BBS9: variants seen among roughly 807,000 people sequenced by gnomAD.
BBS9 encodes the protein protein PTHB1.
Under a neutral mutation model 117.7 loss-of-function variants are expected in BBS9, and 89 were observed. The ratio of observed to expected loss-of-function variants is 0.76; its 90% CI spans 0.64 to 0.90. The LOEUF (loss-of-function observed/expected upper bound fraction) is 0.90. Ranked by LOEUF, BBS9 falls within the 40% of genes least tolerant of loss-of-function variation. BBS9 has a pLI of 0.00. For missense variants in BBS9, 982 were observed against 1,042.2 expected, an observed-to-expected ratio of 0.94 and a Z score of 0.80; for synonymous variants, 379 against 370.9, an observed-to-expected ratio of 1.02 and a Z score of -0.25.
intron 16 of BBS9, among the ~76,000 whole-genome samples, chr7:33,366,084 G>A (rs1821658648): frequency 6.6e-6 from 1 of 152,140 alleles, no homozygotes; most frequent in African/African-American, 2.4e-5. Flanking sequence ...GTTTGGAGAG[G>A]TGGTGGTTTT....
chr7:33,506,048 G>A lies in BBS9; in HGVS notation c.2298+403G>A, dbSNP rs189340886. On this transcript the variant is annotated intron_variant, in intron 20 of 22. Transcript: ENST00000242067. ...AATTTAAGTGTCACTTCAAAGGTTA[G>A]AGAGAATGGAGATAGCCTTGCTATA... Among the ~76,000 whole-genome samples the A allele has an allele frequency of 2.1e-3, 313 of 152,304 alleles. 7 individuals are homozygous for A. In the South Asian group the frequency reaches 0.045, roughly 22 times the overall value.
chr7:33,264,384 T>C lies in BBS9; in HGVS notation c.702+10T>C. 4 of 1,523,274 alleles carry C rather than the reference T, an allele frequency of 2.6e-6. No individual in the cohort carries two copies. Among genetic ancestry groups the C allele is most frequent in the Middle Eastern group, 2.2e-4 (1 of 4,472 alleles). 94.4% of individuals were successfully genotyped at this position (1,523,274 alleles called of 1,614,324 possible). A position where few individuals can be genotyped will look rare whatever the true frequency, so the allele number is the denominator to read the frequency against. ...TGGAAAAAGACTAGTTGTAAGGCCTTTTTTTAATATATAAAAATTTCAATA... is the reference window on the plus strand; with the variant it reads ...TGGAAAAAGACTAGTTGTAAGGCCTCTTTTTAATATATAAAAATTTCAATA... On this transcript the variant is annotated intron_variant, in intron 7 of 22. Transcript: ENST00000242067.
intron 5 of BBS9, among the ~76,000 whole-genome samples, chr7:33,230,081 C>A (rs976202798): frequency 6.6e-6 from 1 of 152,058 alleles, no homozygotes; most frequent in East Asian, 1.9e-4. Flanking sequence ...CTATTTATGT[C>A]TTTTGCCCAT....
At chr7:33,175,450 A>G (rs1029981246) in intron 4 of BBS9, among the ~76,000 whole-genome samples, 2 of 152,092 alleles carry the variant, frequency 1.3e-5, no homozygotes, top group African/African-American at 4.8e-5. Context: ...ACTTAAGACA[A>G]TTTAAATTTA....
chr7:33,472,803 A>G (rs955054213), intron 19 of BBS9, among the ~76,000 whole-genome samples: 3 of 152,212 alleles, frequency 2.0e-5, no homozygotes, highest in African/African-American at 4.8e-5. Flanking sequence ...TTTTTCCTGT[A>G]GTGAACACGT....
At chr7:33,445,046 G>T (rs189431360) in intron 19 of BBS9, among the ~76,000 whole-genome samples, 1 of 152,248 alleles carries the variant, frequency 6.6e-6, no homozygotes, top group Non-Finnish European at 1.5e-5. Context: ...GTATGTTGAG[G>T]GGAAGTGAGT....
chr7:33,274,636 T>C (rs1392617514), intron 9 of BBS9, among the ~76,000 whole-genome samples: 1 of 152,180 alleles, frequency 6.6e-6, no homozygotes, highest in Non-Finnish European at 1.5e-5. Context: ...CAACTTTCCA[T>C]AAAGCTTCAT....
intron 5 of BBS9, among the ~76,000 whole-genome samples, chr7:33,230,371 T>C (rs1336394024): frequency 6.6e-6 from 1 of 152,172 alleles, no homozygotes; most frequent in Non-Finnish European, 1.5e-5. Flanking sequence ...TTAGAGAAGT[T>C]TTATAGTTCC....
chr7:33,255,347 C>CTTTT (rs34214619), intron 5 of BBS9, among the ~76,000 whole-genome samples: 6 of 134,014 alleles, frequency 4.5e-5, no homozygotes, highest in South Asian at 4.8e-4. Flanking sequence ...AGATAAGGAT[C>CTTTT]TTTTTTTTTT....
intron 19 of BBS9, among the ~76,000 whole-genome samples, chr7:33,426,591 C>A (rs1833691565): frequency 6.6e-6 from 1 of 151,976 alleles, no homozygotes; most frequent in African/African-American, 2.4e-5. Flanking sequence ...GGTTTTGAAG[C>A]ACTGCATTCT....
chr7:33,233,729 TC>T (rs1293388032), intron 5 of BBS9, among the ~76,000 whole-genome samples: 1 of 152,184 alleles, frequency 6.6e-6, no homozygotes, highest in Non-Finnish European at 1.5e-5. Flanking sequence ...GTTAAAGATG[TC>T]TTTTGATAAA....
At chr7:33,621,293 G>A (rs183452215) in intron 21 of BBS9, among the ~76,000 whole-genome samples, 19 of 152,164 alleles carry the variant, frequency 1.2e-4, no homozygotes, top group African/African-American at 2.2e-4. Context: ...TTTGTGAACC[G>A]TGTATCTAAT....
intron 21 of BBS9, among the ~76,000 whole-genome samples, chr7:33,537,877 A>G (rs780330050): frequency 1.3e-5 from 2 of 152,260 alleles, no homozygotes; most frequent in African/African-American, 2.4e-5. Flanking sequence ...TGATATTTGA[A>G]GACTTATCAT....
intron 5 of BBS9, among the ~76,000 whole-genome samples, chr7:33,231,667 G>A (rs1382133963): frequency 6.6e-6 from 1 of 151,996 alleles, no homozygotes; most frequent in Non-Finnish European, 1.5e-5. Flanking sequence ...TTTTAAAGAA[G>A]TAGGTAATTT....
At chr7:33,603,576 G>A (rs1261629081) in intron 21 of BBS9, among the ~76,000 whole-genome samples, 1 of 151,984 alleles carries the variant, frequency 6.6e-6, no homozygotes, top group Non-Finnish European at 1.5e-5. Flanking sequence ...GAGATAATAT[G>A]GGCAAGATTT....
intron 5 of BBS9, among the ~76,000 whole-genome samples, chr7:33,242,334 G>A (rs1414898083): frequency 6.6e-6 from 1 of 151,832 alleles, no homozygotes; most frequent in Non-Finnish European, 1.5e-5. Context: ...TCTTTGCTTT[G>A]TACTGGGGAG....
chr7:33,602,449 C>T (rs1419368610), intron 21 of BBS9, among the ~76,000 whole-genome samples: 7 of 152,106 alleles, frequency 4.6e-5, no homozygotes, highest in Non-Finnish European at 1.0e-4. Context: ...GGGGGTGGTA[C>T]CAGGCAGGGT....
intron 6 of BBS9, among the ~76,000 whole-genome samples, chr7:33,261,461 G>A (rs10251775): frequency 0.18 from 27,698 of 152,048 alleles, 3,391 homozygotes; most frequent in Admixed American, 0.34. Flanking sequence ...GATTCTCCCC[G>A]GCATAGTCAA....
intron 6 of BBS9, among the ~76,000 whole-genome samples, chr7:33,260,701 G>A (rs1353469159): frequency 6.6e-6 from 1 of 152,210 alleles, no homozygotes; most frequent in Non-Finnish European, 1.5e-5. Context: ...TATTCAAGGA[G>A]GCAGGAAGTC....
Sources: allele counts gnomAD v4.1 joint callset (sites outside exome capture counted in the v4.1 genomes callset), GRCh38; gene constraint gnomAD v4.1.1; transcripts MANE v1.5; gene names NCBI Gene and HGNC (gene_info 2026-07-23, HGNC 2026-07-21).